Variants in EVC2 observed in about 807,000 individuals in gnomAD.
EVC2 encodes EvC ciliary complex subunit 2.
EVC2 carries 148 observed loss-of-function variants against 149.3 expected under a neutral mutation model. The observed-to-expected ratio is 0.99, with a 90% confidence interval of 0.87 to 1.14. The LOEUF (loss-of-function observed/expected upper bound fraction) is 1.14. Ranked by LOEUF, EVC2 falls within the 50% of genes most tolerant of loss-of-function variation. EVC2 has a pLI of 0.00. For missense variants in EVC2, 1,854 were observed against 1,627.3 expected, an observed-to-expected ratio of 1.14 and a Z score of -2.40; for synonymous variants, 776 against 649.9, an observed-to-expected ratio of 1.19 and a Z score of -2.95.
intron 9 of EVC2, among the ~76,000 whole-genome samples, chr4:5,662,063 C>A (rs1718912545): frequency 6.6e-6 from 1 of 152,086 alleles, no homozygotes. Context: ...CTGGTCTGGC[C>A]TCTCTCCCCT....
chr4:5,655,495 G>A (rs903132519), intron 9 of EVC2, among the ~76,000 whole-genome samples: 37 of 152,060 alleles, frequency 2.4e-4, no homozygotes, highest in Admixed American at 2.4e-3. Context: ...TCTGGCACAC[G>A]TTCCCTCTGC....
intron 4 of EVC2, among the ~76,000 whole-genome samples, chr4:5,690,449 C>G (rs1721043107): frequency 6.6e-6 from 1 of 151,198 alleles, no homozygotes. Flanking sequence ...TTGACCTCAC[C>G]AGATAGCTGA....
intron 9 of EVC2, among the ~76,000 whole-genome samples, chr4:5,650,671 A>AGAGAGAGAGAGAGT: frequency 9.8e-6 from 1 of 102,414 alleles, no homozygotes; most frequent in Non-Finnish European, 1.9e-5. Flanking sequence ...AGAGAGAGAG[A>AGAGAGAGAGAGAGT]GCCATTTAAT....
At chr4:5,596,963 A>G (rs1713478550) in intron 16 of EVC2, among the ~76,000 whole-genome samples, 1 of 152,220 alleles carries the variant, frequency 6.6e-6, no homozygotes, top group Admixed American at 6.5e-5. Flanking sequence ...TAGAAAATCT[A>G]GAAGAAATGG....
chr4:5,618,560 A>T lies in EVC2; in HGVS notation c.2624T>A (p.Val875Asp). 1 of 1,614,108 alleles carries T rather than the reference A, an allele frequency of 6.2e-7. No individual in the cohort carries two copies. The highest frequency in any genetic ancestry group is 1.1e-5 in the South Asian group (1 of 91,062). ...CGCAGTCTGAAATTGCTGCAGCAGA[A>T]CTCGGGCCCGGATCTTGGGGAGGGC... The part of the protein sequence containing the change: ...SLALPKIRAR[V>D]LLQQFQTAWR... The change falls in exon 15 of 22, where the codon GTT (valine) becomes GAT (aspartate). Residue 875 changes from valine (V) to aspartate (D), a missense_variant. Val to Asp is a radical substitution (Grantham distance 152). Transcript: ENST00000344408. This position sits in a 1 kb window ranked among gnomAD's most constrained non-coding sequence, Gnocchi z 4.4.
At chr4:5,612,705 G>A (rs949461754) in intron 16 of EVC2, among the ~76,000 whole-genome samples, 2 of 151,992 alleles carry the variant, frequency 1.3e-5, no homozygotes, top group African/African-American at 4.8e-5. Context: ...GGCGGATCAC[G>A]AGGTCAGGAG....
chr4:5,696,197 G>A lies in EVC2; in HGVS notation c.283+1396C>T, dbSNP rs934255746. Among the ~76,000 whole-genome samples, 5 of 152,178 alleles carry A rather than the reference G, an allele frequency of 3.3e-5. No homozygotes were observed. Among genetic ancestry groups the A allele is most frequent in the African/African-American group, 1.2e-4 (5 of 41,434 alleles). On this transcript the variant is annotated intron_variant, in intron 2 of 21. Coordinates refer to ENST00000344408, the MANE Select transcript of EVC2 (RefSeq NM_147127.5). This position sits in a 1 kb window ranked among gnomAD's most constrained non-coding sequence, Gnocchi z 4.1. Reference sequence around the variant, plus strand: ...AAATGCTTGTGCAGCAAGCAACCAGGACATAAAGTCTTAAGGCCACACCTT... The same window carrying A: ...AAATGCTTGTGCAGCAAGCAACCAGAACATAAAGTCTTAAGGCCACACCTT...
At chr4:5,564,324 G>C (rs1378350966) in intron 21 of EVC2, among the ~76,000 whole-genome samples, 3 of 152,240 alleles carry the variant, frequency 2.0e-5, no homozygotes, top group Non-Finnish European at 4.4e-5. Context: ...TGCAGCCTAG[G>C]AATGTTCCTA....
intron 16 of EVC2, among the ~76,000 whole-genome samples, chr4:5,605,886 G>A (rs1044103605): frequency 1.3e-5 from 2 of 152,186 alleles, no homozygotes; most frequent in Admixed American, 6.5e-5. Context: ...CAGGTCAACC[G>A]TATCCTTGCT....
intron 11 of EVC2, among the ~76,000 whole-genome samples, chr4:5,630,042 C>T (rs56266213): frequency 0.067 from 10,229 of 152,172 alleles, 1,006 homozygotes; most frequent in African/African-American, 0.22. Flanking sequence ...AAAATGATAA[C>T]GAATCTGTGA....
chr4:5,616,242 C>T (rs1715240983), intron 15 of EVC2, among the ~76,000 whole-genome samples: 1 of 152,186 alleles, frequency 6.6e-6, no homozygotes, highest in South Asian at 2.1e-4. Flanking sequence ...TGGTCAGGGC[C>T]CAGGCCACAG....
rs1428196310 is a variant in EVC2, at chr4:5,636,081, T to C, written c.1471-4049A>G. Among the ~76,000 whole-genome samples the C allele has an allele frequency of 6.6e-6, 1 of 152,184 alleles. No individual in the cohort carries two copies. Among genetic ancestry groups the C allele is most frequent in the Non-Finnish European group, 1.5e-5 (1 of 68,036 alleles). ...TACTATACGAGAATTAACTTACTTA[T>C]ACTCACAACAGCCCTCTAAGACCTC... On this transcript the variant is annotated intron_variant, in intron 10 of 21. Coordinates refer to ENST00000344408, the MANE Select transcript of EVC2 (RefSeq NM_147127.5). This position sits in a 1 kb window ranked among gnomAD's most constrained non-coding sequence, Gnocchi z 4.6.
intron 17 of EVC2, among the ~76,000 whole-genome samples, chr4:5,580,015 C>T (rs180766272): frequency 6.4e-4 from 97 of 152,298 alleles, no homozygotes; most frequent in African/African-American, 2.0e-3. Flanking sequence ...GCCTTCTGAT[C>T]CAACTGAGCC....
At chr4:5,565,141 A>G in intron 21 of EVC2, 117 bp downstream of exon 21, 1 of 961,264 alleles carries the variant, frequency 1.0e-6, no homozygotes, top group South Asian at 1.3e-5. Context: ...CAGGGTCACA[A>G]ATCTTTGTCT....
At chr4:5,641,687 T>A (rs747454620) in intron 9 of EVC2, among the ~76,000 whole-genome samples, 1 of 152,174 alleles carries the variant, frequency 6.6e-6, no homozygotes, top group Non-Finnish European at 1.5e-5. Context: ...TAAAAATACA[T>A]CTGAAAACAA....
rs759487122 is a variant in EVC2, at chr4:5,694,443, TGA to T, written c.340_341del (p.Ser114AsnfsTer6). 6.2e-7 allele frequency: 1 copy of T among 1,614,144 alleles called. No individual in the cohort carries two copies. Among genetic ancestry groups the T allele is most frequent in the Non-Finnish European group, 8.5e-7 (1 of 1,180,014 alleles). ...DKKMEVFIPLSTSAASSGPWA... is the reference protein window; with the variant it reads ...DKKMEVFIPLXTSAASSGPWA... Reference sequence around the variant, plus strand: ...ATGGCCCACTAGAGGCTGCAGAAGTTGAGAGTGGGATGAAGACTTCCATTTTC... The same window carrying T: ...ATGGCCCACTAGAGGCTGCAGAAGTTGAGTGGGATGAAGACTTCCATTTTC... On this transcript the variant is annotated frameshift_variant, in exon 3 of 22. Transcript: ENST00000344408. LOFTEE classifies it high-confidence loss of function.
At chr4:5,687,650 G>A (rs570737420) in intron 5 of EVC2, among the ~76,000 whole-genome samples, 1 of 152,146 alleles carries the variant, frequency 6.6e-6, no homozygotes, top group Non-Finnish European at 1.5e-5. Flanking sequence ...GAATAGAGAT[G>A]ATTTGTATAT....
Position 5,632,016 on chromosome 4 carries a change from C to T in EVC2, c.1487G>A (p.Ser496Asn), listed in dbSNP as rs1369073088. The T allele has an allele frequency of 1.2e-6, 2 of 1,614,030 alleles. No individual in the cohort carries two copies. The highest frequency in any genetic ancestry group is 1.7e-6 in the Non-Finnish European group (2 of 1,180,016). ...RAGERSAVEC[S>N]NLLRTLHGLE... Reference sequence around the variant, plus strand: ...GCCATGGAGGGTCCGCAGAAGGTTGCTGCACTCTACAGCAGACTGGAGAGA... The same window carrying T: ...GCCATGGAGGGTCCGCAGAAGGTTGTTGCACTCTACAGCAGACTGGAGAGA... Residue 496 changes from serine to asparagine, a missense_variant, in exon 11 of 22, where the codon AGC becomes AAC. Physicochemically the swap from Ser to Asn is conservative, Grantham distance 46 (BLOSUM62 1). Coordinates refer to ENST00000344408, the MANE Select transcript of EVC2 (RefSeq NM_147127.5).
chr4:5,592,996 G>C (rs1252079107), intron 16 of EVC2, among the ~76,000 whole-genome samples: 1 of 152,180 alleles, frequency 6.6e-6, no homozygotes, highest in Admixed American at 6.5e-5. Flanking sequence ...GAGTTCTCAT[G>C]AGATCTGATG....
Sources: allele counts gnomAD v4.1 joint callset (sites outside exome capture counted in the v4.1 genomes callset), GRCh38; gene constraint gnomAD v4.1.1; non-coding constraint Gnocchi (gnomAD v3.1); transcripts MANE v1.5; gene names NCBI Gene and HGNC (gene_info 2026-07-23, HGNC 2026-07-21).